Variants in IL6R observed in about 807,000 individuals in gnomAD.
IL6R encodes the protein interleukin 6 receptor.
A neutral mutation model predicts 48.3 loss-of-function variants in IL6R; 38 were observed. The observed-to-expected ratio is 0.79, with a 90% CI of 0.61 to 1.03. IL6R has a LOEUF of 1.03. IL6R is among the 50% of genes least tolerant of loss of function. The pLI, the probability that IL6R is intolerant of heterozygous loss-of-function variation, is 0.00. For synonymous variants in IL6R, 264 were observed against 256.2 expected, an observed-to-expected ratio of 1.03 and a Z score of -0.29; for missense variants, 534 against 618.3, an observed-to-expected ratio of 0.86 and a Z score of 1.45.
At chr1:154,457,664 A>C (rs978969472) in intron 9 of IL6R, among the ~76,000 whole-genome samples, 3 of 152,174 alleles carry the variant, frequency 2.0e-5, no homozygotes, top group African/African-American at 7.2e-5. Context: ...GCAATAATGA[A>C]ATTTTTCGGT....
Position 154,465,986 on chromosome 1 carries a change from T to TG in IL6R, c.*607dup, listed in dbSNP as rs1228809696. 6.4e-6 allele frequency: 1 copy of TG among 155,232 alleles called. No homozygotes were observed. Among genetic ancestry groups the TG allele is most frequent in the African/African-American group, 2.4e-5 (1 of 41,452 alleles). 9.6% of individuals were successfully genotyped at this position (155,232 alleles called of 1,614,324 possible). Reference sequence around the variant, plus strand: ...TGAAAAACAGCTGAGGGTGAGTGGGTGAATAATACAGTATCTCAGGGCCTG... The same window carrying TG: ...TGAAAAACAGCTGAGGGTGAGTGGGTGGAATAATACAGTATCTCAGGGCCTG... On this transcript the variant is annotated 3_prime_UTR_variant, in exon 10 of 10. Coordinates refer to ENST00000368485, the MANE Select transcript of IL6R (RefSeq NM_000565.4).
chr1:154,407,354 G>A (rs1299814447), intron 1 of IL6R, among the ~76,000 whole-genome samples: 2 of 152,190 alleles, frequency 1.3e-5, no homozygotes, highest in Non-Finnish European at 2.9e-5. Context: ...TGGATGCTAG[G>A]CCCTTCCAGG....
rs747736609 is a variant in IL6R at position 154,434,677 on chromosome 1, A to T, written c.617A>T (p.Gln206Leu). ...GTCGGGAGCAAGTTCAGCAAAACTC[A>T]AACCTTTCAGGGTTGTGGAATCTGT... Reference protein sequence around the residue: ...SSVGSKFSKTQTFQGCGILQP... With the variant: ...SSVGSKFSKTLTFQGCGILQP... Residue 206 changes from glutamine to leucine, a missense_variant, in exon 4 of 10, where the codon CAA (glutamine) becomes CTA (leucine). Transcript: ENST00000368485. 2 of 1,614,080 alleles carry T rather than the reference A, an allele frequency of 1.2e-6. No homozygotes were observed. Among genetic ancestry groups the T allele is most frequent in the South Asian group, 2.2e-5 (2 of 91,084 alleles).
rs1328968979 is a variant in IL6R, at chr1:154,467,157, T to C, written c.*1777T>C. 1 of 152,220 alleles carries C rather than the reference T, an allele frequency of 6.6e-6. No individual in the cohort carries two copies. The highest frequency in any genetic ancestry group is 1.5e-5 in the Non-Finnish European group (1 of 68,048). 9.4% of individuals were successfully genotyped at this position (152,220 alleles called of 1,614,324 possible). A position where few individuals can be genotyped will look rare whatever the true frequency, so the allele number is the denominator to read the frequency against. On this transcript the variant is annotated 3_prime_UTR_variant, in exon 10 of 10. Coordinates refer to ENST00000368485, the MANE Select transcript of IL6R (RefSeq NM_000565.4). Reference sequence around the variant, plus strand: ...AAAATCCCATTTAAAAAAAATCCCTTACCTCGGTGCCTTCCTCTTTTTATT... The same window carrying C: ...AAAATCCCATTTAAAAAAAATCCCTCACCTCGGTGCCTTCCTCTTTTTATT...
At chr1:154,414,161 AT>A (rs915286395) in intron 1 of IL6R, among the ~76,000 whole-genome samples, 6 of 151,204 alleles carry the variant, frequency 4.0e-5, no homozygotes, top group East Asian at 1.9e-4. Flanking sequence ...CTGGCTGCAA[AT>A]TTTTTTTTCC....
chr1:154,405,691 C>A lies in IL6R; in HGVS notation c.62C>A (p.Ala21Asp). The change falls in exon 1 of 10, where the codon GCC becomes GAC. Residue 21 changes from alanine to aspartate, a missense_variant. Physicochemically the swap from Ala to Asp is moderately radical, Grantham distance 126 (BLOSUM62 -2). Coordinates refer to ENST00000368485, the MANE Select transcript of IL6R (RefSeq NM_000565.4). The surrounding 1 kb of genome is among the most constrained non-coding windows in gnomAD (Gnocchi z 5.2). ...CTGGCCGCGCCGGGAGCGGCGCTGG[C>A]CCCAAGGCGCTGCCCTGCGCAGGGT... ...ALLAAPGAALAPRRCPAQEVA... is the reference protein window; with the variant it reads ...ALLAAPGAALDPRRCPAQEVA... 1 of 1,524,066 alleles carries A rather than the reference C, an allele frequency of 6.6e-7. No individual in the cohort carries two copies. The highest frequency in any genetic ancestry group is 8.8e-7 in the Non-Finnish European group (1 of 1,142,580). 94.4% of individuals were successfully genotyped at this position (1,524,066 alleles called of 1,614,324 possible).
intron 1 of IL6R, among the ~76,000 whole-genome samples, chr1:154,428,742 G>A (rs902585476): frequency 1.4e-4 from 22 of 152,134 alleles, no homozygotes; most frequent in African/African-American, 4.3e-4. Context: ...GACCGGAAAC[G>A]ATGTTTAGGC....
At chr1:154,448,863 T>A (rs1690421836) in intron 7 of IL6R, among the ~76,000 whole-genome samples, 1 of 146,768 alleles carries the variant, frequency 6.8e-6, no homozygotes, top group South Asian at 2.2e-4. Flanking sequence ...TGCAAGGGAG[T>A]GCTTGTAAGG....
At chr1:154,423,260 A>AAAATATATATATATATATATATAT (rs1553305298) in intron 1 of IL6R, among the ~76,000 whole-genome samples, 1 of 85,476 alleles carries the variant, frequency 1.2e-5, no homozygotes, top group Non-Finnish European at 2.6e-5. Context: ...TGTTTAATTA[A>AAAATATATATATATATATATATAT]ATATATATAT....
Position 154,450,102 on chromosome 1 carries a change from T to TTGTGTGTGTGTGTGTG in IL6R, c.1066+123_1066+124insGTGTGTGTGTGTGTGT, listed in dbSNP as rs762323280. ...CAATCACAGATCAATCGCAGAAATG[T>TTGTGTGTGTGTGTGTG]TCTGTGTGTGTGTGTGTGTGTGTGT... On this transcript the variant is annotated intron_variant, in intron 8 of 9. Transcript: ENST00000368485. The TTGTGTGTGTGTGTGTG allele has an allele frequency of 2.6e-5, 12 of 463,412 alleles. 1 individual carries two copies. Among genetic ancestry groups the TTGTGTGTGTGTGTGTG allele is most frequent in the Non-Finnish European group, 4.4e-5 (11 of 247,694 alleles). 28.7% of individuals were successfully genotyped at this position (463,412 alleles called of 1,614,324 possible).
chr1:154,458,643 G>A lies in IL6R; in HGVS notation c.1160+4062G>A, dbSNP rs529680951. ...AGGCCAGGCGCGGTGGCTCACGCCT[G>A]TGATCCCAGCACTTTGGGAGGCCAA... On this transcript the variant is annotated intron_variant, in intron 9 of 9. Transcript: ENST00000368485. Among the ~76,000 whole-genome samples, 1,509 of 151,232 alleles carry A rather than the reference G, an allele frequency of 1.0e-2. 28 individuals carry two copies. The highest frequency in any genetic ancestry group is 0.034 in the African/African-American group (1,395 of 41,286).
chr1:154,416,476 T>A (rs576823642), intron 1 of IL6R, among the ~76,000 whole-genome samples: 4 of 152,170 alleles, frequency 2.6e-5, no homozygotes, highest in Non-Finnish European at 4.4e-5. Context: ...TAGGGAACAC[T>A]GATGTATTTT....
chr1:154,435,307 C>T (rs1434991491), intron 5 of IL6R, 151 bp downstream of exon 5: 11 of 661,302 alleles, frequency 1.7e-5, no homozygotes, highest in South Asian at 1.5e-4. Context: ...GTCAGGAGTT[C>T]GAGACCATCC....
intron 6 of IL6R, among the ~76,000 whole-genome samples, chr1:154,439,059 A>T (rs1415491271): frequency 6.6e-6 from 1 of 152,126 alleles, no homozygotes; most frequent in Non-Finnish European, 1.5e-5. Flanking sequence ...ACACTCATTT[A>T]TCTGAATGCT....
intron 3 of IL6R, among the ~76,000 whole-genome samples, chr1:154,431,188 A>T (rs564189604): frequency 1.4e-4 from 22 of 152,198 alleles, no homozygotes; most frequent in Non-Finnish European, 3.1e-4. Context: ...GGGGCTCTGC[A>T]TCATCACCGG....
intron 7 of IL6R, 148 bp from the exon 8 acceptor site, chr1:154,449,763 T>A: frequency 1.6e-6 from 1 of 643,194 alleles, no homozygotes; most frequent in South Asian, 1.8e-5. Context: ...ATAGTATTAT[T>A]GATTTTTCCA....
intron 3 of IL6R, 51 bp downstream of exon 3, chr1:154,430,657 GC>G (rs760490017): frequency 6.2e-7 from 1 of 1,612,006 alleles, no homozygotes; most frequent in Non-Finnish European, 8.5e-7. Context: ...CCTTCCCGAG[GC>G]CCCCCAGAGA....
chr1:154,422,884 TC>T (rs1688755307), intron 1 of IL6R, among the ~76,000 whole-genome samples: 1 of 152,160 alleles, frequency 6.6e-6, no homozygotes, highest in East Asian at 1.9e-4. Flanking sequence ...TCGTGTCTCT[TC>T]CTTTTGGCCC....
chr1:154,459,604 C>T (rs1369938710), intron 9 of IL6R, among the ~76,000 whole-genome samples: 1 of 152,124 alleles, frequency 6.6e-6, no homozygotes, highest in Non-Finnish European at 1.5e-5. Context: ...AATCTTTTTC[C>T]AGCAATATCA....
Sources: gnomAD v4.1 joint callset for allele counts (sites outside exome capture counted in the v4.1 genomes callset) on GRCh38, gnomAD v4.1.1 for gene constraint, Gnocchi (gnomAD v3.1) non-coding constraint, MANE v1.5 for transcripts, NCBI Gene and HGNC (gene_info 2026-07-23, HGNC 2026-07-21) for gene names.